The following BEND4 variants were observed in gnomAD, a reference collection of about 807,000 sequenced individuals.
The protein encoded by BEND4 is BEN domain containing 4, also known as BEN domain-containing protein 4.
A neutral mutation model predicts 54.7 loss-of-function variants in BEND4; 27 were observed. That is an observed-to-expected ratio of 0.49 (90% CI 0.36 to 0.68). BEND4 has a LOEUF of 0.68. BEND4 is among the 30% of genes least tolerant of loss of function. BEND4 has a pLI of 0.00. For synonymous variants in BEND4, 327 were observed against 299.5 expected (o/e 1.09, Z -0.95); for missense variants, 702 against 697.2 (o/e 1.01, Z -0.08).
chr4:42,150,520 T>C (rs930922485), intron 2 of BEND4, among the ~76,000 whole-genome samples: 1 of 152,230 alleles, frequency 6.6e-6, no homozygotes, highest in Non-Finnish European at 1.5e-5. Context: ...ACAACACTTC[T>C]ATTTTCCACA....
rs922709439 is a variant in BEND4, at chr4:42,112,031, G to A, written c.*5487C>T. 2.6e-5 allele frequency: 4 copies of A among 152,150 alleles called. No homozygotes were observed. The highest frequency in any genetic ancestry group is 4.8e-5 in the African/African-American group (2 of 41,442). 9.4% of individuals were successfully genotyped at this position (152,150 alleles called of 1,614,324 possible). A position where few individuals can be genotyped will look rare whatever the true frequency, so the allele number is the denominator to read the frequency against. On this transcript the variant is annotated 3_prime_UTR_variant, in exon 6 of 6. Coordinates refer to ENST00000502486, the MANE Select transcript of BEND4 (RefSeq NM_207406.4). ...GTTTGTATGTTCCTACCTAAGCATC[G>A]ACATACTTTAGTAGTTTTTAGCAAT...
At position 42,117,640 on chromosome 4, in the gene BEND4, G is replaced by A. The variant is rs1560574009; in HGVS notation, c.1483C>T (p.Arg495Ter). Reference protein sequence around the residue: ...KVFSDAVGHARQGRAVGTFLH... With the variant: ...KVFSDAVGHA ...AAAGTCCCCACCGCCCGCCCCTGTCGGGCGTGACCGACAGCGTCGCTGAAC... is the reference window on the plus strand; with the variant it reads ...AAAGTCCCCACCGCCCGCCCCTGTCAGGCGTGACCGACAGCGTCGCTGAAC... The change falls in exon 6 of 6, where the codon CGA becomes TGA. Residue 495 changes from arginine (R) to a stop codon, truncating the protein, a stop_gained. Transcript: ENST00000502486. LOFTEE classifies it high-confidence loss of function. 2.5e-6 allele frequency: 4 copies of A among 1,612,086 alleles called. No homozygotes were observed. The highest frequency in any genetic ancestry group is 1.1e-5 in the South Asian group (1 of 90,588).
chr4:42,132,611 A>AT (rs1031539020), intron 3 of BEND4, among the ~76,000 whole-genome samples: 3 of 151,734 alleles, frequency 2.0e-5, no homozygotes, highest in African/African-American at 7.3e-5. Flanking sequence ...TGCCCCACTA[A>AT]TTTTTTCTAT....
At chr4:42,139,650 C>T (rs900429412) in intron 3 of BEND4, among the ~76,000 whole-genome samples, 40 of 152,066 alleles carry the variant, frequency 2.6e-4, no homozygotes, top group African/African-American at 9.2e-4. Context: ...GACCGAGGAA[C>T]GCTACCTGGG....
At chr4:42,142,575 G>C (rs1211117975) in intron 3 of BEND4, among the ~76,000 whole-genome samples, 1 of 149,260 alleles carries the variant, frequency 6.7e-6, no homozygotes, top group Non-Finnish European at 1.5e-5. Flanking sequence ...GGAGGTTGCA[G>C]TGAGCCCACA....
At chr4:42,137,179 T>C (rs1026656150) in intron 3 of BEND4, among the ~76,000 whole-genome samples, 4 of 152,178 alleles carry the variant, frequency 2.6e-5, no homozygotes, top group Admixed American at 2.0e-4. Flanking sequence ...ATGATATTAA[T>C]ATTTGCTGTG....
In BEND4 at chr4:42,152,605, G is replaced by A. The variant is rs1394085574; in HGVS notation, c.-307C>T. On this transcript the variant is annotated 5_prime_UTR_variant, in exon 1 of 6. Transcript: ENST00000502486. ...GCTACGGCGAGACTTTAGAGACCCA[G>A]ATGTGGACTCGAGGCTTCTGCGGCT... 6.5e-6 allele frequency: 1 copy of A among 154,196 alleles called. No homozygotes were observed. The highest frequency in any genetic ancestry group is 2.4e-5 in the African/African-American group (1 of 41,474). 9.6% of individuals were successfully genotyped at this position (154,196 alleles called of 1,614,324 possible).
intron 2 of BEND4, 63 bp downstream of exon 2, chr4:42,151,594 C>T (rs1721285836): frequency 1.1e-5 from 15 of 1,405,886 alleles, no homozygotes; most frequent in South Asian, 4.7e-5. Flanking sequence ...GCTTCTCCTT[C>T]CTGGGTCCCC....
At chr4:42,142,236 C>T (rs1381777405) in intron 3 of BEND4, among the ~76,000 whole-genome samples, 2 of 151,220 alleles carry the variant, frequency 1.3e-5, no homozygotes, top group Non-Finnish European at 2.9e-5. Flanking sequence ...GCAATGACCA[C>T]GCAATTAAAA....
At chr4:42,124,737 T>C (rs1163649565) in intron 4 of BEND4, among the ~76,000 whole-genome samples, 1 of 152,110 alleles carries the variant, frequency 6.6e-6, no homozygotes, top group African/African-American at 2.4e-5. Flanking sequence ...TGTTTAATCA[T>C]TAGAAAAAAA....
chr4:42,122,363 G>A (rs577340139), intron 4 of BEND4, among the ~76,000 whole-genome samples: 3 of 152,196 alleles, frequency 2.0e-5, no homozygotes, highest in South Asian at 4.1e-4. Flanking sequence ...AAAAGCTTAT[G>A]AGGGCTGGGA....
chr4:42,148,234 A>T (rs1721145850), intron 2 of BEND4, among the ~76,000 whole-genome samples: 2 of 152,244 alleles, frequency 1.3e-5, no homozygotes, highest in Non-Finnish European at 2.9e-5. Context: ...TCTTAAATCA[A>T]TGAACTATGT....
chr4:42,119,022 C>T (rs932108619), intron 5 of BEND4, among the ~76,000 whole-genome samples: 9 of 152,158 alleles, frequency 5.9e-5, no homozygotes, highest in African/African-American at 1.4e-4. Context: ...CTAGGAACCA[C>T]GCATGCCTGC....
chr4:42,124,279 G>A (rs951886823), intron 4 of BEND4, among the ~76,000 whole-genome samples: 1 of 152,274 alleles, frequency 6.6e-6, no homozygotes, highest in African/African-American at 2.4e-5. Context: ...CCTGCGCCTG[G>A]GAGGTCGAAG....
rs76992148 is a variant in BEND4 at position 42,118,950 on chromosome 4, C to G, written c.1387+1104G>C. Reference sequence around the variant, plus strand: ...TGTGCCTAGTAAATACAGGCATTTTCGTCTCAGGTGGCTTCCTGAATCGTG... The same window carrying G: ...TGTGCCTAGTAAATACAGGCATTTTGGTCTCAGGTGGCTTCCTGAATCGTG... On this transcript the variant is annotated intron_variant, in intron 5 of 5. Coordinates refer to ENST00000502486, the MANE Select transcript of BEND4 (RefSeq NM_207406.4). 3.3e-5 allele frequency among the ~76,000 whole-genome samples: 5 copies of G among 152,188 alleles called. 1 individual carries two copies. The South Asian group carries it at 1.0e-3, about 32-fold the overall frequency.
chr4:42,146,526 CA>C (rs1721087910), intron 2 of BEND4, among the ~76,000 whole-genome samples: 1 of 152,152 alleles, frequency 6.6e-6, no homozygotes, highest in African/African-American at 2.4e-5. Context: ...TGGCCAAAAC[CA>C]AATAATAAGA....
chr4:42,146,952 C>T (rs533207356), intron 2 of BEND4, among the ~76,000 whole-genome samples: 1 of 152,056 alleles, frequency 6.6e-6, no homozygotes, highest in East Asian at 1.9e-4. Context: ...TAGGGACAAG[C>T]GTGATTTGTT....
chr4:42,126,988 C>G (rs1720313787), intron 3 of BEND4, among the ~76,000 whole-genome samples: 1 of 152,182 alleles, frequency 6.6e-6, no homozygotes, highest in Non-Finnish European at 1.5e-5. Context: ...ATGTTCTTGT[C>G]ACGTTCAAGA....
intron 2 of BEND4, among the ~76,000 whole-genome samples, chr4:42,144,575 T>A (rs1228329639): frequency 2.0e-5 from 3 of 152,208 alleles, no homozygotes; most frequent in Admixed American, 1.3e-4. Context: ...CACAAAACTG[T>A]ATGTGTCTTC....
Sources: allele counts gnomAD v4.1 joint callset (sites outside exome capture counted in the v4.1 genomes callset), GRCh38; gene constraint gnomAD v4.1.1; transcripts MANE v1.5; gene names NCBI Gene and HGNC (gene_info 2026-07-23, HGNC 2026-07-21).